The following PROM1 variants were observed in gnomAD, a reference collection of about 807,000 sequenced individuals.
PROM1 encodes the protein prominin-1.
A neutral mutation model predicts 116.9 loss-of-function variants in PROM1; 105 were observed. The observed-to-expected ratio is 0.90, with a 90% CI of 0.77 to 1.06. PROM1 has a LOEUF of 1.06. PROM1 is among the 50% of genes least tolerant of loss of function. PROM1 has a pLI of 0.00. For missense variants in PROM1, 1,122 were observed against 1,045.2 expected, an observed-to-expected ratio of 1.07 and a Z score of -1.01; for synonymous variants, 393 against 387.0, an observed-to-expected ratio of 1.02 and a Z score of -0.18.
Position 16,025,182 on chromosome 4 carries a change from TG to T in PROM1, c.630+9del, listed in dbSNP as rs1730931003. 15 of 1,612,902 alleles carry T rather than the reference TG, an allele frequency of 9.3e-6. No homozygotes were observed. Among genetic ancestry groups the T allele is most frequent in the African/African-American group, 1.3e-5 (1 of 74,894 alleles). On this transcript the variant is annotated intron_variant, in intron 6 of 27. Transcript: ENST00000447510. ...AAAGCATCGCGGTACATAGAGATGA[TG>T]GTTTTTACCTCTGGAGTTTCATTCA...
chr4:15,982,356 T>A (rs996176355), intron 23 of PROM1, among the ~76,000 whole-genome samples: 1 of 152,190 alleles, frequency 6.6e-6, no homozygotes, highest in Admixed American at 6.5e-5. Context: ...AGTCAATTTG[T>A]TCCCCCTTCC....
rs765916310 is a variant in PROM1, at chr4:15,976,204, C to T, written c.2582+3191G>A. 236 of 455,450 alleles carry T rather than the reference C, an allele frequency of 5.2e-4. 2 individuals carry two copies. Among genetic ancestry groups the T allele is most frequent in the Non-Finnish European group, 9.1e-4 (207 of 226,544 alleles). 28.2% of individuals were successfully genotyped at this position (455,450 alleles called of 1,614,324 possible). On this transcript the variant is annotated intron_variant, in intron 26 of 27. Transcript: ENST00000447510. ...TAGTTCGAATTTCAACACTAAAAGC[C>T]CAAGATGAAATGTTCATTAGCAAGT...
rs112293651 is a variant in PROM1 at position 16,045,806 on chromosome 4, T to G, written c.221-6805A>C. The stretch of plus-strand genomic sequence containing the variant: ...ATGCATGAAAAGGTACTTGCACTCA[T>G]AAAAATCATGACCAAATACAGTGGA... On this transcript the variant is annotated intron_variant, in intron 2 of 27. Coordinates refer to ENST00000447510, the MANE Select transcript of PROM1 (RefSeq NM_006017.3). 4.5e-3 allele frequency among the ~76,000 whole-genome samples: 679 copies of G among 152,222 alleles called. 5 individuals are homozygous for G. Among genetic ancestry groups the G allele is most frequent in the African/African-American group, 0.015 (616 of 41,530 alleles).
At chr4:15,993,675 C>A (rs1721612077) in intron 16 of PROM1, among the ~76,000 whole-genome samples, 2 of 152,154 alleles carry the variant, frequency 1.3e-5, no homozygotes. Flanking sequence ...ATTGTTCCCA[C>A]AAAAACGTCT....
intron 13 of PROM1, among the ~76,000 whole-genome samples, chr4:16,001,866 T>G (rs1723950275): frequency 6.6e-6 from 1 of 152,098 alleles, no homozygotes; most frequent in South Asian, 2.1e-4. Flanking sequence ...AGAGCCTGGT[T>G]AAGTATTGAG....
chr4:16,054,884 A>C (rs1188888719), intron 2 of PROM1, among the ~76,000 whole-genome samples: 1 of 151,970 alleles, frequency 6.6e-6, no homozygotes, highest in Non-Finnish European at 1.5e-5. Flanking sequence ...CCTATCCTCA[A>C]AGTTAAATGT....
chr4:15,980,452 C>G lies in PROM1; in HGVS notation c.2459G>C (p.Arg820Pro). Residue 820 changes from arginine to proline, a missense_variant, in exon 24 of 28, where the codon CGT (arginine) becomes CCT (proline). Transcript: ENST00000447510. ...IFAVKLAKYY[R>P]RMDSEDVYDD... ...GTACACGTCCTCCGAATCCATTCGACGATAGTACTTAGCCAGTTTTACCGC... is the reference window on the plus strand; with the variant it reads ...GTACACGTCCTCCGAATCCATTCGAGGATAGTACTTAGCCAGTTTTACCGC... The G allele has an allele frequency of 6.4e-7, 1 of 1,554,546 alleles. No individual in the cohort carries two copies. The highest frequency in any genetic ancestry group is 8.7e-7 in the Non-Finnish European group (1 of 1,147,922).
At chr4:16,079,342 T>G (rs951417390) in intron 1 of PROM1, 3 of 152,212 alleles carry the variant, frequency 2.0e-5, no homozygotes, top group South Asian at 4.1e-4. Flanking sequence ...TGGGAGACAA[T>G]GACTTGAGAT....
chr4:16,005,775 A>G (rs1024520173), intron 13 of PROM1, among the ~76,000 whole-genome samples: 55 of 152,138 alleles, frequency 3.6e-4, no homozygotes, highest in African/African-American at 1.3e-3. Flanking sequence ...GATCTTATCA[A>G]AAAGAGAATA....
chr4:15,984,785 T>G lies in PROM1; in HGVS notation c.2281-430A>C, dbSNP rs1718912654. Among the ~76,000 whole-genome samples the G allele has an allele frequency of 2.0e-5, 3 of 152,248 alleles. No homozygotes were observed. In the South Asian group the frequency reaches 6.2e-4, roughly 31 times the overall value. On this transcript the variant is annotated intron_variant, in intron 22 of 27. Coordinates refer to ENST00000447510, the MANE Select transcript of PROM1 (RefSeq NM_006017.3). ...TGTCTCCCATTACTCCCACTGATTCTACACTGTGGTGAATTGCATAATTAT... is the reference window on the plus strand; with the variant it reads ...TGTCTCCCATTACTCCCACTGATTCGACACTGTGGTGAATTGCATAATTAT...
At chr4:16,043,594 GC>G (rs1735826470) in intron 2 of PROM1, among the ~76,000 whole-genome samples, 1 of 152,214 alleles carries the variant, frequency 6.6e-6, no homozygotes, top group East Asian at 1.9e-4. Flanking sequence ...GAGAATTGAA[GC>G]CCCACATGAG....
At position 15,998,457 on chromosome 4, in the gene PROM1, T is replaced by A. The variant is rs200545555; in HGVS notation, c.1610A>T (p.Asp537Val). 24 of 1,608,760 alleles carry A rather than the reference T, an allele frequency of 1.5e-5. No homozygotes were observed. Among genetic ancestry groups the A allele is most frequent in the Non-Finnish European group, 2.0e-5 (24 of 1,178,558 alleles). ...VLDTPYLLNE[D>V]WEYYLSGKLF... The stretch of plus-strand genomic sequence containing the variant: ...CTTCCCAGAGAGATAGTATTCCCAG[T>A]CTTCATTTAGTAAGTAGGGTGTATC... The change falls in exon 15 of 28, where the codon GAC (aspartate) becomes GTC (valine). Residue 537 changes from aspartate to valine, a missense_variant. Asp to Val is a radical substitution (Grantham distance 152). Transcript: ENST00000447510.
chr4:16,014,497 G>A (rs1727785091), intron 10 of PROM1, among the ~76,000 whole-genome samples: 1 of 152,178 alleles, frequency 6.6e-6, no homozygotes, highest in African/African-American at 2.4e-5. Context: ...ACTTGTTTAA[G>A]GGACCACTTA....
At chr4:15,988,276 T>A (rs1720009325) in intron 19 of PROM1, among the ~76,000 whole-genome samples, 1 of 152,218 alleles carries the variant, frequency 6.6e-6, no homozygotes, top group Non-Finnish European at 1.5e-5. Flanking sequence ...ATGTGAGGCA[T>A]CCAAGAAATC....
At chr4:16,016,402 G>C (rs1355144085) in intron 9 of PROM1, among the ~76,000 whole-genome samples, 162 bp from the exon 10 acceptor site, 2 of 152,124 alleles carry the variant, frequency 1.3e-5, no homozygotes, top group African/African-American at 4.8e-5. Context: ...GAAAAACACA[G>C]CTCAGACCCT....
intron 2 of PROM1, among the ~76,000 whole-genome samples, chr4:16,074,842 G>T (rs191403866): frequency 5.7e-4 from 87 of 152,288 alleles, no homozygotes; most frequent in Non-Finnish European, 1.1e-3. Flanking sequence ...CTTACAAACA[G>T]TAGCTGAACA....
intron 1 of PROM1, among the ~76,000 whole-genome samples, chr4:16,081,652 T>C (rs1341943583): frequency 6.6e-6 from 1 of 152,200 alleles, no homozygotes; most frequent in Admixed American, 6.5e-5. Flanking sequence ...TTCCACTGTT[T>C]TAACAAAGTA....
chr4:16,075,661 T>C lies in PROM1; in HGVS notation c.220+26A>G, dbSNP rs750646047. ...TGTGGGTGCGTTTGGAGATAAATCC[T>C]ATCTTTCCCTGCCATCAGCACTTAC... is the stretch of plus-strand genomic sequence containing the variant. On this transcript the variant is annotated intron_variant, in intron 2 of 27. Coordinates refer to ENST00000447510, the MANE Select transcript of PROM1 (RefSeq NM_006017.3). 3.8e-6 allele frequency: 6 copies of C among 1,585,786 alleles called. No individual in the cohort carries two copies. The African/African-American group carries it at 8.1e-5, about 21-fold the overall frequency.
At chr4:16,006,117 A>G (rs894904650) in intron 13 of PROM1, among the ~76,000 whole-genome samples, 3 of 152,218 alleles carry the variant, frequency 2.0e-5, no homozygotes, top group Non-Finnish European at 4.4e-5. Flanking sequence ...ATTTCAAGCT[A>G]GCAATACTGC....
Sources: gnomAD v4.1 joint callset for allele counts (sites outside exome capture counted in the v4.1 genomes callset) on GRCh38, gnomAD v4.1.1 for gene constraint, MANE v1.5 for transcripts, NCBI Gene and HGNC (gene_info 2026-07-23, HGNC 2026-07-21) for gene names.